The following JAK1 variants were observed in gnomAD, a reference collection of about 807,000 sequenced individuals.
The protein encoded by JAK1 is tyrosine-protein kinase JAK1.
Under a neutral mutation model 136.6 loss-of-function variants are expected in JAK1, and 16 were observed. The ratio of observed to expected loss-of-function variants is 0.12; its 90% CI spans 0.08 to 0.18. The LOEUF is 0.18. JAK1 is among the 10% of genes least tolerant of loss of function. JAK1 has a pLI of 1.00. For synonymous variants in JAK1, 492 were observed against 519.5 expected (o/e 0.95, Z 0.72); for missense variants, 859 against 1,450.1 (o/e 0.59, Z 6.62).
chr1:65,015,295 A>G (rs921159749), intron 2 of JAK1, among the ~76,000 whole-genome samples: 3 of 152,172 alleles, frequency 2.0e-5, no homozygotes, highest in Admixed American at 2.0e-4. Context: ...ACAAAAATAA[A>G]AGCATGCAAA....
chr1:64,889,601 C>G (rs1463507466), intron 1 of JAK1, among the ~76,000 whole-genome samples: 1 of 151,974 alleles, frequency 6.6e-6, no homozygotes, highest in Non-Finnish European at 1.5e-5. Flanking sequence ...ACTTTCTCAA[C>G]AAGGGAAAAA....
chr1:64,917,694 AGCAGAAGACTATTTCACCCC>A, intron 1 of JAK1, among the ~76,000 whole-genome samples: 2 of 152,304 alleles, frequency 1.3e-5, no homozygotes, highest in African/African-American at 4.8e-5. Context: ...TGCCTGAATC[AGCAGAAGACTATTTCACCCC>A]GCAGAAGTAT....
chr1:64,859,099 C>T (rs1436701236), intron 9 of JAK1, among the ~76,000 whole-genome samples: 1 of 152,226 alleles, frequency 6.6e-6, no homozygotes, highest in African/African-American at 2.4e-5. Context: ...CCTCTCAAGG[C>T]CAGGGCCATG....
At chr1:64,957,771 C>T (rs1016148273) in intron 1 of JAK1, among the ~76,000 whole-genome samples, 13 of 151,976 alleles carry the variant, frequency 8.6e-5, no homozygotes, top group Non-Finnish European at 1.5e-4. Context: ...GGTGAAACCC[C>T]GTCTCTACTA....
intron 7 of JAK1, among the ~76,000 whole-genome samples, chr1:64,866,536 G>A (rs1343659046): frequency 2.0e-5 from 3 of 152,044 alleles, no homozygotes. Flanking sequence ...TCCCTCAAAG[G>A]TTTTTTTATT....
intron 1 of JAK1, among the ~76,000 whole-genome samples, chr1:65,060,872 GAACT>G (rs1647762152): frequency 6.6e-6 from 1 of 152,070 alleles, no homozygotes; most frequent in South Asian, 2.1e-4. Flanking sequence ...TCTAAGAACT[GAACT>G]GTCTAAATTT....
At chr1:65,038,840 G>C (rs1304576400) in intron 2 of JAK1, among the ~76,000 whole-genome samples, 1 of 152,054 alleles carries the variant, frequency 6.6e-6, no homozygotes, top group African/African-American at 2.4e-5. Context: ...GTTTTGCCAT[G>C]TTGGCCACGC....
At position 64,883,431 on chromosome 1, in the gene JAK1, A is replaced by G. The variant is rs1027205335; in HGVS notation, c.51T>C (p.Ala17=). The G allele has an allele frequency of 2.0e-5, 33 of 1,614,174 alleles. No homozygotes were observed. Among genetic ancestry groups the G allele is most frequent in the Non-Finnish European group, 2.8e-5 (33 of 1,179,992 alleles). ...KEDCNAMAFC[A]KMRSSKKTEV... is the part of the protein sequence containing the mutation. The stretch of plus-strand genomic sequence containing the variant: ...CAGTCTTCTTGGAGCTCCTCATTTT[A>G]GCACAGAAAGCCATGGCATTGCAGT... Residue 17 remains alanine (A), a synonymous_variant, in exon 3 of 25, where the codon GCT becomes GCC. Coordinates refer to ENST00000342505, the MANE Select transcript of JAK1 (RefSeq NM_002227.4).
intron 2 of JAK1, among the ~76,000 whole-genome samples, chr1:64,884,007 C>T (rs1035629666): frequency 6.6e-6 from 1 of 152,124 alleles, no homozygotes; most frequent in Non-Finnish European, 1.5e-5. Context: ...CACATCCCCA[C>T]CTGAGACACT....
At chr1:65,051,649 G>A (rs1489132724) in intron 1 of JAK1, among the ~76,000 whole-genome samples, 3 of 152,108 alleles carry the variant, frequency 2.0e-5, no homozygotes, top group South Asian at 2.1e-4. Flanking sequence ...AAACCAATGG[G>A]AGTCTAAGTA....
chr1:64,931,834 T>C lies in JAK1; in HGVS notation c.-78+34499A>G, dbSNP rs553295218. 2.3e-4 allele frequency among the ~76,000 whole-genome samples: 35 copies of C among 152,210 alleles called. 1 individual carries two copies. In the South Asian group the frequency reaches 7.3e-3, roughly 32 times the overall value. ...AAATGTATCCTAAGAATACATAATG[T>C]ACACACACAGAGATCTAGCTATACA... On this transcript the variant is annotated intron_variant, in intron 1 of 24. Transcript: ENST00000342505.
chr1:65,017,218 C>A (rs1397036509), intron 2 of JAK1, among the ~76,000 whole-genome samples: 1 of 152,116 alleles, frequency 6.6e-6, no homozygotes, highest in Non-Finnish European at 1.5e-5. Flanking sequence ...GTAATCCCAG[C>A]ACTTTAGGAG....
At chr1:65,060,015 A>G (rs1048296971) in intron 1 of JAK1, among the ~76,000 whole-genome samples, 5 of 152,154 alleles carry the variant, frequency 3.3e-5, no homozygotes, top group Non-Finnish European at 5.9e-5. Context: ...CCACCTACAC[A>G]CAAATTAAAA....
intron 6 of JAK1, 133 bp downstream of exon 6, chr1:64,869,178 T>G: frequency 1.3e-6 from 1 of 746,460 alleles, no homozygotes. Flanking sequence ...TAGTAAACAT[T>G]CTAAGGAAGA....
At chr1:64,965,984 G>GT (rs1274840251) in intron 1 of JAK1, among the ~76,000 whole-genome samples, 1 of 152,030 alleles carries the variant, frequency 6.6e-6, no homozygotes, top group African/African-American at 2.4e-5. Context: ...GCCCGCGCCT[G>GT]TATCTCGGGG....
intron 1 of JAK1, among the ~76,000 whole-genome samples, chr1:64,933,089 T>C (rs900825971): frequency 6.6e-6 from 1 of 152,156 alleles, no homozygotes. Flanking sequence ...GTGGTAGCTA[T>C]ACGTGCCAGG....
intron 2 of JAK1, chr1:64,990,140 T>G (rs1210803739): frequency 2.0e-5 from 3 of 152,084 alleles, no homozygotes; most frequent in Non-Finnish European, 4.4e-5. Context: ...AAACCCCATC[T>G]CTACTAAAAA....
intron 2 of JAK1, among the ~76,000 whole-genome samples, chr1:64,998,152 G>A (rs1276796108): frequency 6.6e-6 from 1 of 152,154 alleles, no homozygotes; most frequent in East Asian, 1.9e-4. Flanking sequence ...AGTATGAAGA[G>A]ATGCAAAATA....
At chr1:64,897,370 A>G (rs1645029271) in intron 1 of JAK1, among the ~76,000 whole-genome samples, 1 of 149,742 alleles carries the variant, frequency 6.7e-6, no homozygotes, top group Non-Finnish European at 1.5e-5. Flanking sequence ...TGGAGGTTGC[A>G]GTGAGCTGTG....
Sources: gnomAD v4.1 joint callset for allele counts (sites outside exome capture counted in the v4.1 genomes callset) on GRCh38, gnomAD v4.1.1 for gene constraint, MANE v1.5 for transcripts, NCBI Gene and HGNC (gene_info 2026-07-23, HGNC 2026-07-21) for gene names.